WFDC1: variants seen among roughly 807,000 people sequenced by gnomAD.
WFDC1 encodes the protein WAP four-disulfide core domain protein 1.
WFDC1 carries 39 observed loss-of-function variants against 32.9 expected under a neutral mutation model. That is an observed-to-expected ratio of 1.19 (90% confidence interval 0.92 to 1.55). The LOEUF is 1.55. Among genes scored for constraint, WFDC1 ranks in the 40% most tolerant of loss-of-function variants. WFDC1 has a pLI of 0.00. For synonymous variants in WFDC1, 184 were observed against 137.4 expected (o/e 1.34, Z -2.37); for missense variants, 386 against 309.5 (o/e 1.25, Z -1.85).
At chr16:84,318,462 C>A in intron 3 of WFDC1, 107 bp downstream of exon 3, 1 of 1,050,732 alleles carries the variant, frequency 9.5e-7, no homozygotes, top group Non-Finnish European at 1.4e-6. Context: ...CATGCACGGG[C>A]CCTTCAGCCA....
At chr16:84,305,390 T>G (rs1005715957) in intron 1 of WFDC1, among the ~76,000 whole-genome samples, 22 of 152,214 alleles carry the variant, frequency 1.4e-4, no homozygotes, top group African/African-American at 4.8e-4. Flanking sequence ...GGTGGCTGTT[T>G]CCGCATGGCC....
intron 6 of WFDC1, 158 bp downstream of exon 6, chr16:84,327,113 G>A (rs78554631): frequency 0.055 from 36,673 of 665,122 alleles, 1,235 homozygotes; most frequent in Middle Eastern, 0.077. Flanking sequence ...CTCACCTAAC[G>A]TCATCAATAG....
At chr16:84,323,497 G>A (rs923271377) in intron 4 of WFDC1, among the ~76,000 whole-genome samples, 1 of 152,198 alleles carries the variant, frequency 6.6e-6, no homozygotes, top group Non-Finnish European at 1.5e-5. Context: ...GAAATTGCCA[G>A]CAGTTGACCA....
intron 3 of WFDC1, chr16:84,318,751 C>G (rs944546360): frequency 1.1e-4 from 25 of 231,636 alleles, no homozygotes; most frequent in African/African-American, 5.3e-4. Context: ...GCATGCAGGT[C>G]GGGGGCCTGG....
intron 1 of WFDC1, among the ~76,000 whole-genome samples, chr16:84,301,620 C>T (rs539104214): frequency 1.6e-4 from 24 of 152,190 alleles, no homozygotes; most frequent in Non-Finnish European, 3.1e-4. Context: ...GTTGAGAACC[C>T]CAGAAAAGCC....
chr16:84,328,928 G>GA (rs1302928954), intron 6 of WFDC1: 1 of 149,680 alleles, frequency 6.7e-6, no homozygotes, highest in Non-Finnish European at 1.5e-5. Context: ...ACTCCAGCCT[G>GA]GGTGACAGAG....
At chr16:84,326,793 G>A (rs780480746) in intron 5 of WFDC1, 89 bp from the exon 6 acceptor site, 2 of 1,529,146 alleles carry the variant, frequency 1.3e-6, no homozygotes, top group East Asian at 2.3e-5. Flanking sequence ...AGGTCACCAG[G>A]CTTCATTTGG....
rs1308357373 is a variant in WFDC1 at position 84,295,033 on chromosome 16, T to C, written c.62T>C (p.Leu21Pro). 3.7e-6 allele frequency: 6 copies of C among 1,614,226 alleles called. No individual in the cohort carries two copies. Among genetic ancestry groups the C allele is most frequent in the South Asian group, 2.2e-5 (2 of 91,082 alleles). Residue 21 changes from leucine (L) to proline (P), a missense_variant, in exon 1 of 7, where the codon CTC becomes CCC. Physicochemically the swap from Leu to Pro is moderately conservative, Grantham distance 98. Coordinates refer to ENST00000219454, the MANE Select transcript of WFDC1 (RefSeq NM_021197.4). Reference sequence around the variant, plus strand: ...AGGCAGATCATCCGGGCTCTGTGCCTCTTGCTACTTCTCCTCCACGCCGGC... The same window carrying C: ...AGGCAGATCATCCGGGCTCTGTGCCCCTTGCTACTTCTCCTCCACGCCGGC... ...CRRQIIRALC[L>P]LLLLLHAGSA...
In WFDC1 at chr16:84,298,260, AC is replaced by A. The variant is rs901888519; in HGVS notation, c.144+3147del. 1.3e-5 allele frequency among the ~76,000 whole-genome samples: 2 copies of A among 152,110 alleles called. 1 individual carries two copies. The highest frequency in any genetic ancestry group is 4.8e-5 in the African/African-American group (2 of 41,504). On this transcript the variant is annotated intron_variant, in intron 1 of 6. Coordinates refer to ENST00000219454, the MANE Select transcript of WFDC1 (RefSeq NM_021197.4). The stretch of plus-strand genomic sequence containing the variant: ...GTAGTTGGGATTACAGGCATGTACC[AC>A]CACGCCTGGCTAATTTTTTGTATTT...
intron 1 of WFDC1, among the ~76,000 whole-genome samples, chr16:84,309,677 A>C (rs530957327): frequency 6.6e-6 from 1 of 152,078 alleles, no homozygotes; most frequent in African/African-American, 2.4e-5. Flanking sequence ...GACTGAGATC[A>C]AGGGGTCAGC....
intron 1 of WFDC1, among the ~76,000 whole-genome samples, chr16:84,301,460 C>A (rs1018397239): frequency 2.0e-5 from 3 of 152,154 alleles, no homozygotes; most frequent in Non-Finnish European, 4.4e-5. Context: ...AGTCTGGGAG[C>A]TTTGTCTGCT....
At chr16:84,307,473 C>G (rs999155619) in intron 1 of WFDC1, among the ~76,000 whole-genome samples, 44 of 152,198 alleles carry the variant, frequency 2.9e-4, no homozygotes, top group African/African-American at 1.0e-3. Flanking sequence ...GCGCTTATCT[C>G]TTTGTTCTCT....
At chr16:84,320,888 A>G (rs1405474614) in intron 4 of WFDC1, among the ~76,000 whole-genome samples, 1 of 152,138 alleles carries the variant, frequency 6.6e-6, no homozygotes, top group African/African-American at 2.4e-5. Context: ...TGATTTGAGA[A>G]TGTTTTTCTC....
chr16:84,303,777 T>A (rs1907086148), intron 1 of WFDC1, among the ~76,000 whole-genome samples: 1 of 152,182 alleles, frequency 6.6e-6, no homozygotes, highest in African/African-American at 2.4e-5. Context: ...TTTTGGAACG[T>A]TCCCATCAAC....
intron 1 of WFDC1, among the ~76,000 whole-genome samples, chr16:84,307,640 G>C (rs1468938388): frequency 6.6e-5 from 10 of 152,154 alleles, no homozygotes; most frequent in African/African-American, 2.4e-5. Context: ...CTGATCACCA[G>C]GTTCCATTAA....
intron 1 of WFDC1, among the ~76,000 whole-genome samples, chr16:84,311,304 G>T (rs1907603372): frequency 6.6e-6 from 1 of 151,064 alleles, no homozygotes; most frequent in African/African-American, 2.4e-5. Context: ...GAGTGCAATG[G>T]CTCGATCTTG....
At chr16:84,318,229 A>C in intron 2 of WFDC1, 43 bp from the exon 3 acceptor site, 1 of 1,604,902 alleles carries the variant, frequency 6.2e-7, no homozygotes, top group Non-Finnish European at 8.5e-7. Context: ...GGCGTTTCTC[A>C]GCTGCTTGAG....
At chr16:84,303,174 A>G (rs1050843633) in intron 1 of WFDC1, among the ~76,000 whole-genome samples, 1 of 152,108 alleles carries the variant, frequency 6.6e-6, no homozygotes. Context: ...GGGGAGCGAC[A>G]TATTTTTAGA....
chr16:84,325,517 G>A (rs987143521), intron 5 of WFDC1: 21 of 150,418 alleles, frequency 1.4e-4, no homozygotes, highest in African/African-American at 4.9e-4. Flanking sequence ...CCACCCATCT[G>A]TCTATCCATT....
Sources: allele counts gnomAD v4.1 joint callset (sites outside exome capture counted in the v4.1 genomes callset), GRCh38; gene constraint gnomAD v4.1.1; transcripts MANE v1.5; gene names NCBI Gene and HGNC (gene_info 2026-07-23, HGNC 2026-07-21).